Variants in SND1 observed in about 807,000 individuals in gnomAD.
SND1 encodes the protein staphylococcal nuclease and tudor domain containing 1.
Under a neutral mutation model 121.7 loss-of-function variants are expected in SND1, and 38 were observed. The observed-to-expected ratio is 0.31, with a 90% CI of 0.24 to 0.41. SND1 has a LOEUF of 0.41. Ranked by LOEUF, SND1 falls within the 10% of genes least tolerant of loss-of-function variation. The probability of loss-of-function intolerance (pLI) is 1.00; values close to 1 mark genes in which losing one functional copy is unlikely to be tolerated. For missense variants in SND1, 868 were observed against 1,184.6 expected (o/e 0.73, Z 3.92); for synonymous variants, 401 against 447.4 (o/e 0.90, Z 1.31).
At chr7:128,022,409 T>A (rs569836488) in intron 16 of SND1, among the ~76,000 whole-genome samples, 1 of 152,172 alleles carries the variant, frequency 6.6e-6, no homozygotes, top group Non-Finnish European at 1.5e-5. Context: ...GAGTAGCCTC[T>A]CATATCAATG....
chr7:128,065,009 G>A (rs1486652186), intron 16 of SND1, among the ~76,000 whole-genome samples: 1 of 152,194 alleles, frequency 6.6e-6, no homozygotes, highest in Non-Finnish European at 1.5e-5. Context: ...AAAGGGGCTG[G>A]CAATGTGCAG....
chr7:127,692,179 G>T (rs981195564), intron 2 of SND1, among the ~76,000 whole-genome samples: 1 of 152,122 alleles, frequency 6.6e-6, no homozygotes, highest in African/African-American at 2.4e-5. Context: ...TCTTGTCCTG[G>T]TAGTTTTAAG....
chr7:127,955,504 TG>T (rs1300770918), intron 15 of SND1, among the ~76,000 whole-genome samples: 1 of 152,030 alleles, frequency 6.6e-6, no homozygotes, highest in Non-Finnish European at 1.5e-5. Context: ...AGTGGAGTTG[TG>T]GGGGGGTGGT....
intron 10 of SND1, among the ~76,000 whole-genome samples, chr7:127,731,426 C>G (rs1209409047): frequency 6.6e-6 from 1 of 152,220 alleles, no homozygotes; most frequent in South Asian, 2.1e-4. Context: ...TTAGCTGTTC[C>G]TTTCAACGTA....
In SND1 at chr7:127,820,549, T is replaced by C. The variant is rs145314878; in HGVS notation, c.1242+12976T>C. ...TTCCAAGGGGCAAATGGTAATAAGA[T>C]CACTAAGTCTAGATAGATTTATGAT... On this transcript the variant is annotated intron_variant, in intron 11 of 23. Coordinates refer to ENST00000354725, the MANE Select transcript of SND1 (RefSeq NM_014390.4). Among the ~76,000 whole-genome samples, 727 of 152,304 alleles carry C rather than the reference T, an allele frequency of 4.8e-3. 12 individuals are homozygous for C. The highest frequency in any genetic ancestry group is 0.045 in the East Asian group (234 of 5,176).
chr7:127,994,549 CAAAAAAAAAAAAAAAAAA>C (rs563548702), intron 16 of SND1, among the ~76,000 whole-genome samples: 103 of 46,234 alleles, frequency 2.2e-3, no homozygotes, highest in African/African-American at 6.5e-3. Context: ...CACTTTTACT[CAAAAAAAAAAAAAAAAAA>C]AAAAAAAAAA....
intron 10 of SND1, among the ~76,000 whole-genome samples, chr7:127,740,095 G>T (rs1796853291): frequency 6.6e-6 from 1 of 152,120 alleles, no homozygotes; most frequent in Non-Finnish European, 1.5e-5. Context: ...TTAAATTCTC[G>T]CTGCCTGCAA....
chr7:127,694,699 C>G, intron 2 of SND1, 129 bp from the exon 3 acceptor site: 1 of 1,052,614 alleles, frequency 9.5e-7, no homozygotes, highest in Non-Finnish European at 1.4e-6. Flanking sequence ...TTTATATTCT[C>G]AAGGTCCAGC....
At chr7:128,031,461 T>G (rs1239805066) in intron 16 of SND1, 1 of 149,700 alleles carries the variant, frequency 6.7e-6, no homozygotes, top group Non-Finnish European at 1.5e-5. Flanking sequence ...GCGGCGAGAG[T>G]TAAGAGGAGG....
chr7:127,943,951 CAG>C (rs1312451980), intron 15 of SND1, among the ~76,000 whole-genome samples: 1 of 152,208 alleles, frequency 6.6e-6, no homozygotes, highest in Non-Finnish European at 1.5e-5. Context: ...GCTGGTGCCT[CAG>C]AGGAGGGCGG....
At chr7:127,752,095 T>C (rs1156710211) in intron 10 of SND1, among the ~76,000 whole-genome samples, 2 of 152,260 alleles carry the variant, frequency 1.3e-5, no homozygotes, top group African/African-American at 4.8e-5. Context: ...ATTTCTGCCT[T>C]TCCCCTTCTC....
At chr7:127,703,357 G>T (rs1327934706) in intron 7 of SND1, 34 bp downstream of exon 7, 2 of 1,607,768 alleles carry the variant, frequency 1.2e-6, no homozygotes, top group Admixed American at 3.3e-5. Context: ...GTGGTGATGG[G>T]CTAGGGATGC....
chr7:127,854,538 C>CTATTTATTTATTTATT (rs59447282), intron 12 of SND1, among the ~76,000 whole-genome samples: 2 of 145,368 alleles, frequency 1.4e-5, no homozygotes, highest in African/African-American at 2.5e-5. Flanking sequence ...TACTAGCATT[C>CTATTTATTTATTTATT]TATTTATTTA....
chr7:127,703,191 T>C lies in SND1; in HGVS notation c.708T>C (p.Asp236=), dbSNP rs1796133595. ...IKCPTFRREA[D]GSETPEPFAA... is the part of the protein sequence containing the mutation. ...GCCCAACTTTTCGACGGGAAGCAGA[T>C]GGCAGTGAAACTCCAGAGCCTTTTG... is the stretch of plus-strand genomic sequence containing the variant. Residue 236 remains aspartate, a synonymous_variant, in exon 7 of 24, where the codon GAT becomes GAC. Coordinates refer to ENST00000354725, the MANE Select transcript of SND1 (RefSeq NM_014390.4). 1.2e-6 allele frequency: 2 copies of C among 1,614,166 alleles called. No homozygotes were observed. Among genetic ancestry groups the C allele is most frequent in the Non-Finnish European group, 1.7e-6 (2 of 1,179,998 alleles).
chr7:127,706,086 A>AGAAATTAAGTTAGAAAGTTATAATTAG (rs1289522469), intron 8 of SND1, among the ~76,000 whole-genome samples: 3 of 152,220 alleles, frequency 2.0e-5, no homozygotes, highest in Non-Finnish European at 4.4e-5. Flanking sequence ...TTGTTCTACA[A>AGAAATTAAGTTAGAAAGTTATAATTAG]TTAAGTTAGA....
intron 12 of SND1, among the ~76,000 whole-genome samples, chr7:127,856,427 C>G (rs1338177649): frequency 6.6e-6 from 1 of 152,192 alleles, no homozygotes; most frequent in East Asian, 1.9e-4. Flanking sequence ...TAGAATGGCC[C>G]TTCCTGCTGT....
intron 15 of SND1, among the ~76,000 whole-genome samples, chr7:127,955,388 T>C (rs1801568528): frequency 6.6e-6 from 1 of 152,108 alleles, no homozygotes; most frequent in South Asian, 2.1e-4. Flanking sequence ...GCATCTCCCA[T>C]GGAGAACCGC....
rs574459553 is a variant in SND1 at position 127,856,703 on chromosome 7, A to G, written c.1343+12279A>G. ...GATTCAGCAGACTGTTGCTTTATCT[A>G]TTGTGTTTAAAATGTGGTTTATAAG... On this transcript the variant is annotated intron_variant, in intron 12 of 23. Transcript: ENST00000354725. Among the ~76,000 whole-genome samples the G allele has an allele frequency of 1.1e-4, 16 of 152,242 alleles. No individual in the cohort carries two copies. In the East Asian group the frequency reaches 1.9e-3, roughly 18 times the overall value.
intron 10 of SND1, among the ~76,000 whole-genome samples, chr7:127,739,606 G>A (rs950786910): frequency 6.6e-6 from 1 of 152,166 alleles, no homozygotes; most frequent in African/African-American, 2.4e-5. Context: ...CCCACCAGGG[G>A]AGAGTGTAAC....
Sources: allele counts gnomAD v4.1 joint callset (sites outside exome capture counted in the v4.1 genomes callset), GRCh38; gene constraint gnomAD v4.1.1; transcripts MANE v1.5; gene names NCBI Gene and HGNC (gene_info 2026-07-23, HGNC 2026-07-21).